Variants in EXOC6B observed in about 807,000 individuals in gnomAD.
EXOC6B encodes SEC15 homolog B.
A neutral mutation model predicts 113.5 loss-of-function variants in EXOC6B; 54 were observed. The ratio of observed to expected loss-of-function variants is 0.48; its 90% CI spans 0.38 to 0.60. The LOEUF (loss-of-function observed/expected upper bound fraction) is 0.60, where lower values mean the gene tolerates loss of function less well. EXOC6B is among the 20% of genes least tolerant of loss of function. EXOC6B has a pLI of 0.00. For missense variants in EXOC6B, 797 were observed against 977.5 expected, an observed-to-expected ratio of 0.82 and a Z score of 2.46; for synonymous variants, 357 against 339.0, an observed-to-expected ratio of 1.05 and a Z score of -0.58.
At chr2:72,542,903 AG>A (rs999989680) in intron 8 of EXOC6B, among the ~76,000 whole-genome samples, 1 of 152,214 alleles carries the variant, frequency 6.6e-6, no homozygotes, top group Non-Finnish European at 1.5e-5. Flanking sequence ...CAACCAAATT[AG>A]GTTGTAGGGA....
chr2:72,498,304 T>C, intron 13 of EXOC6B, 150 bp downstream of exon 13: 1 of 545,722 alleles, frequency 1.8e-6, no homozygotes, highest in Non-Finnish European at 3.1e-6. Flanking sequence ...AACAGTTTAT[T>C]TGAATTCTGG....
intron 18 of EXOC6B, chr2:72,462,716 T>C (rs1697776988): frequency 6.6e-6 from 1 of 152,108 alleles, no homozygotes; most frequent in African/African-American, 2.4e-5. Flanking sequence ...CTGTTGTTTA[T>C]AAATTTCTCA....
At chr2:72,471,224 T>C (rs557553365) in intron 17 of EXOC6B, among the ~76,000 whole-genome samples, 1 of 152,350 alleles carries the variant, frequency 6.6e-6, no homozygotes, top group African/African-American at 2.4e-5. Context: ...CCAGTGATGA[T>C]GAGCATTTTT....
At chr2:72,704,849 C>CA (rs1317856063) in intron 6 of EXOC6B, among the ~76,000 whole-genome samples, 1 of 150,962 alleles carries the variant, frequency 6.6e-6, no homozygotes, top group Non-Finnish European at 1.5e-5. Flanking sequence ...GCTTACCAAT[C>CA]AAAAAGAGTC....
At chr2:72,789,460 GACA>G (rs1005583825) in intron 1 of EXOC6B, among the ~76,000 whole-genome samples, 1 of 152,154 alleles carries the variant, frequency 6.6e-6, no homozygotes, top group East Asian at 1.9e-4. Flanking sequence ...TGGCATTCTT[GACA>G]ACAACTCTGA....
chr2:72,344,591 T>G (rs970240388), intron 19 of EXOC6B, among the ~76,000 whole-genome samples: 4 of 152,136 alleles, frequency 2.6e-5, no homozygotes, highest in Admixed American at 6.5e-5. Context: ...GGACTTGCTG[T>G]TTTTTGTTAC....
At chr2:72,600,315 C>T (rs976328779) in intron 6 of EXOC6B, among the ~76,000 whole-genome samples, 4 of 151,824 alleles carry the variant, frequency 2.6e-5, no homozygotes, top group Non-Finnish European at 5.9e-5. Context: ...GTGGCATACA[C>T]CTGTTAGTCC....
chr2:72,557,607 T>C (rs1416606391), intron 8 of EXOC6B, among the ~76,000 whole-genome samples: 2 of 152,020 alleles, frequency 1.3e-5, no homozygotes, highest in East Asian at 3.9e-4. Flanking sequence ...CAAGAACTTA[T>C]GAACACAAAG....
At chr2:72,512,482 TA>T (rs1374110283) in intron 11 of EXOC6B, among the ~76,000 whole-genome samples, 2 of 152,042 alleles carry the variant, frequency 1.3e-5, no homozygotes, top group African/African-American at 4.8e-5. Flanking sequence ...CAGCATTCTA[TA>T]ACTGAAATAA....
At chr2:72,183,658 A>G (rs1165697086) in intron 21 of EXOC6B, among the ~76,000 whole-genome samples, 1 of 152,190 alleles carries the variant, frequency 6.6e-6, no homozygotes, top group Non-Finnish European at 1.5e-5. Flanking sequence ...TAGGAACCAG[A>G]GAAACCATCT....
At chr2:72,578,578 T>C (rs1470259315) in intron 6 of EXOC6B, among the ~76,000 whole-genome samples, 2 of 152,098 alleles carry the variant, frequency 1.3e-5, no homozygotes, top group African/African-American at 4.8e-5. Flanking sequence ...TGATGCTTCC[T>C]CTCTGTACTC....
chr2:72,446,683 AC>A (rs1696604251), intron 18 of EXOC6B, among the ~76,000 whole-genome samples: 1 of 152,120 alleles, frequency 6.6e-6, no homozygotes, highest in Admixed American at 6.6e-5. Context: ...TAGGCTTAAT[AC>A]CTGGGTGATG....
At chr2:72,205,771 GA>G (rs1679805069) in intron 20 of EXOC6B, among the ~76,000 whole-genome samples, 1 of 152,220 alleles carries the variant, frequency 6.6e-6, no homozygotes, top group African/African-American at 2.4e-5. Context: ...CTGCTTTTAA[GA>G]ATCAGCCAGG....
intron 19 of EXOC6B, among the ~76,000 whole-genome samples, chr2:72,360,068 T>C (rs766491310): frequency 8.5e-5 from 13 of 152,132 alleles, no homozygotes; most frequent in South Asian, 4.1e-4. Context: ...ACCTCTTTTC[T>C]TTATAAATTA....
chr2:72,731,812 G>A (rs1558957167), intron 3 of EXOC6B, among the ~76,000 whole-genome samples: 1 of 152,138 alleles, frequency 6.6e-6, no homozygotes, highest in Non-Finnish European at 1.5e-5. Flanking sequence ...AAGAACAAGA[G>A]AATGGTCCTA....
At position 72,806,231 on chromosome 2, in the gene EXOC6B, C is replaced by T. The variant is rs150264122; in HGVS notation, c.113+19567G>A. Among the ~76,000 whole-genome samples the T allele has an allele frequency of 2.8e-3, 422 of 152,254 alleles. 2 individuals carry two copies. Among genetic ancestry groups the T allele is most frequent in the African/African-American group, 7.3e-3 (303 of 41,564 alleles). On this transcript the variant is annotated intron_variant, in intron 1 of 21. Transcript: ENST00000272427. The stretch of plus-strand genomic sequence containing the variant: ...TGTCTACTATTCCCACCTTTATGTC[C>T]ATGTGTACTTAACATTTAGCTTCCA...
In EXOC6B at chr2:72,241,212, AAC is replaced by A. The variant is rs567312185; in HGVS notation, c.2197-57027_2197-57026del. Among the ~76,000 whole-genome samples, 41 of 152,324 alleles carry A rather than the reference AAC, an allele frequency of 2.7e-4. No homozygotes were observed. The East Asian group carries it at 6.6e-3, about 24-fold the overall frequency. ...TCTAAAGGAAATGCTGGAAATAAAAAACACACTGTAACAGAAATGTAGAATGC... is the reference window on the plus strand; with the variant it reads ...TCTAAAGGAAATGCTGGAAATAAAAAACACTGTAACAGAAATGTAGAATGC... On this transcript the variant is annotated intron_variant, in intron 20 of 21. Coordinates refer to ENST00000272427, the MANE Select transcript of EXOC6B (RefSeq NM_015189.3).
At chr2:72,800,203 T>C (rs918905809) in intron 1 of EXOC6B, among the ~76,000 whole-genome samples, 2 of 152,206 alleles carry the variant, frequency 1.3e-5, no homozygotes, top group African/African-American at 4.8e-5. Flanking sequence ...ATAAAATATA[T>C]AGTTTTTATT....
chr2:72,324,984 C>G (rs1395501395), intron 20 of EXOC6B, among the ~76,000 whole-genome samples: 1 of 152,100 alleles, frequency 6.6e-6, no homozygotes, highest in African/African-American at 2.4e-5. Context: ...GGGATCTTGC[C>G]TATATAACTA....
Sources: gnomAD v4.1 joint callset for allele counts (sites outside exome capture counted in the v4.1 genomes callset) on GRCh38, gnomAD v4.1.1 for gene constraint, MANE v1.5 for transcripts, NCBI Gene and HGNC (gene_info 2026-07-23, HGNC 2026-07-21) for gene names.